Variants in SCTR observed in about 807,000 individuals in gnomAD.
The protein encoded by SCTR is secretin receptor, also known as pancreatic secretin receptor.
A neutral mutation model predicts 60.8 loss-of-function variants in SCTR; 56 were observed. That is an observed-to-expected ratio of 0.92 (90% CI 0.74 to 1.15). The LOEUF (loss-of-function observed/expected upper bound fraction) is 1.15. SCTR is among the 50% of genes most tolerant of loss of function. The probability of loss-of-function intolerance (pLI) is 0.00; values close to 1 mark genes in which losing one functional copy is unlikely to be tolerated. For synonymous variants in SCTR, 202 were observed against 217.0 expected, an observed-to-expected ratio of 0.93 and a Z score of 0.61; for missense variants, 562 against 550.4, an observed-to-expected ratio of 1.02 and a Z score of -0.21.
At chr2:119,519,591 G>A (rs192414082) in intron 1 of SCTR, among the ~76,000 whole-genome samples, 26 of 151,850 alleles carry the variant, frequency 1.7e-4, no homozygotes, top group Non-Finnish European at 1.8e-4. Flanking sequence ...TGGATCACGA[G>A]GTCAGGAGTT....
At chr2:119,475,482 T>G (rs527659786) in intron 3 of SCTR, among the ~76,000 whole-genome samples, 2 of 151,946 alleles carry the variant, frequency 1.3e-5, no homozygotes, top group Admixed American at 6.5e-5. Flanking sequence ...CCTTCCACTC[T>G]GTAGAGCTGC....
rs1678557428 is a variant in SCTR, at chr2:119,501,703, T to C, written c.73-7155A>G. Among the ~76,000 whole-genome samples the C allele has an allele frequency of 2.0e-5, 3 of 152,170 alleles. No individual in the cohort carries two copies. The South Asian group carries it at 6.2e-4, about 31-fold the overall frequency. On this transcript the variant is annotated intron_variant, in intron 1 of 12. Coordinates refer to ENST00000019103, the MANE Select transcript of SCTR (RefSeq NM_002980.3). ...TTACCCTGACTTGATCATAACATAT[T>C]GTATACCTGCATCGAAATATCACAA...
chr2:119,475,706 T>C (rs1475716651), intron 3 of SCTR, among the ~76,000 whole-genome samples: 1 of 147,556 alleles, frequency 6.8e-6, no homozygotes, highest in East Asian at 1.9e-4. Flanking sequence ...AATAAATATA[T>C]ATATTATGTG....
intron 1 of SCTR, among the ~76,000 whole-genome samples, chr2:119,513,791 G>A (rs1204308256): frequency 2.0e-5 from 3 of 152,090 alleles, no homozygotes; most frequent in Admixed American, 6.5e-5. Flanking sequence ...TGTCTTCTCT[G>A]GGGTGTTCTT....
intron 3 of SCTR, among the ~76,000 whole-genome samples, chr2:119,478,139 G>A (rs1473378952): frequency 1.3e-5 from 2 of 152,214 alleles, no homozygotes; most frequent in Admixed American, 1.3e-4. Flanking sequence ...CCAGGAAAGA[G>A]GGGCAGCTGC....
At chr2:119,502,580 T>C (rs1483376654) in intron 1 of SCTR, among the ~76,000 whole-genome samples, 1 of 151,772 alleles carries the variant, frequency 6.6e-6, no homozygotes, top group Non-Finnish European at 1.5e-5. Context: ...TTTTAAGAAG[T>C]GAAATTAATT....
chr2:119,462,918 TG>T (rs1388854934), intron 6 of SCTR, among the ~76,000 whole-genome samples: 3 of 152,226 alleles, frequency 2.0e-5, no homozygotes, highest in Admixed American at 1.3e-4. Context: ...GGGGCATTGC[TG>T]GCCTTGTCCA....
chr2:119,499,116 C>T (rs1678446873), intron 1 of SCTR, among the ~76,000 whole-genome samples: 1 of 151,674 alleles, frequency 6.6e-6, no homozygotes, highest in East Asian at 1.9e-4. Flanking sequence ...AAAACAATAA[C>T]CAGAAACAGA....
chr2:119,449,780 G>A (rs1371854026), intron 9 of SCTR, among the ~76,000 whole-genome samples: 3 of 152,136 alleles, frequency 2.0e-5, no homozygotes, highest in Non-Finnish European at 1.5e-5. Flanking sequence ...TAGGACTCCT[G>A]GCCCAGCACT....
At position 119,524,269 on chromosome 2, in the gene SCTR, C is replaced by T; in HGVS notation, c.-43G>A. The T allele has an allele frequency of 2.3e-6, 3 of 1,329,530 alleles. No individual in the cohort carries two copies. In the African/African-American group the frequency reaches 4.6e-5, roughly 20 times the overall value. 82.4% of individuals were successfully genotyped at this position (1,329,530 alleles called of 1,614,324 possible). A position where few individuals can be genotyped will look rare whatever the true frequency, so the allele number is the denominator to read the frequency against. On this transcript the variant is annotated 5_prime_UTR_variant, in exon 1 of 13. Transcript: ENST00000019103. ...CGAGGGCGCCCCGACGTCCGCCTGC[C>T]CGTGCCCTCTGCCCGCTCGGGAGCT...
chr2:119,448,833 C>T, intron 9 of SCTR, 53 bp from the exon 10 acceptor site: 1 of 962,576 alleles, frequency 1.0e-6, no homozygotes. Flanking sequence ...TTTCCAGCCA[C>T]CTCTCCTGGC....
chr2:119,518,857 G>A (rs1679193068), intron 1 of SCTR, among the ~76,000 whole-genome samples: 1 of 152,160 alleles, frequency 6.6e-6, no homozygotes, highest in Non-Finnish European at 1.5e-5. Context: ...GTCCTCCCTT[G>A]TCATGGTAGG....
rs376488622 is a variant in SCTR, at chr2:119,451,322, G to T, written c.921+688C>A. Among the ~76,000 whole-genome samples, 3 of 152,282 alleles carry T rather than the reference G, an allele frequency of 2.0e-5. No homozygotes were observed. The East Asian group carries it at 5.8e-4, about 29-fold the overall frequency. ...CCCCTATGCTGAACCATACCCATGG[G>T]CTGGGCTACAGGACTCTACCCTGGC... On this transcript the variant is annotated intron_variant, in intron 9 of 12. Coordinates refer to ENST00000019103, the MANE Select transcript of SCTR (RefSeq NM_002980.3).
Position 119,440,206 on chromosome 2 carries a change from G to C in SCTR, c.1234C>G (p.Pro412Ala). ...CTGAAGGAGGCCACGGGGTGCAGTG[G>C]GAACTCACGGAGGTGCCATTGCTGC... ...KWQQWHLREF[P>A]LHPVASFSNS... Residue 412 changes from proline (P) to alanine (A), a missense_variant, in exon 13 of 13, where the codon CCA becomes GCA. Physicochemically the swap from Pro to Ala is conservative, Grantham distance 27. Coordinates refer to ENST00000019103, the MANE Select transcript of SCTR (RefSeq NM_002980.3). 2 of 1,614,086 alleles carry C rather than the reference G, an allele frequency of 1.2e-6. No homozygotes were observed. Among genetic ancestry groups the C allele is most frequent in the Non-Finnish European group, 1.7e-6 (2 of 1,180,004 alleles).
chr2:119,458,287 C>T (rs1224992508), intron 7 of SCTR, among the ~76,000 whole-genome samples: 2 of 135,790 alleles, frequency 1.5e-5, no homozygotes, highest in African/African-American at 5.6e-5. Flanking sequence ...GCCTGGGTGA[C>T]AAAGAGAGAC....
intron 4 of SCTR, among the ~76,000 whole-genome samples, chr2:119,472,767 G>A (rs1202787930): frequency 3.3e-5 from 5 of 152,078 alleles, no homozygotes; most frequent in Non-Finnish European, 7.4e-5. Context: ...TCAGCTTCCT[G>A]AGTAGCTGGG....
intron 4 of SCTR, among the ~76,000 whole-genome samples, chr2:119,468,687 C>T (rs542935785): frequency 6.6e-6 from 1 of 152,174 alleles, no homozygotes; most frequent in Non-Finnish European, 1.5e-5. Context: ...TAGCTTTATT[C>T]TCAGTTACAC....
chr2:119,462,254 G>A (rs566605739), intron 6 of SCTR, among the ~76,000 whole-genome samples: 11 of 152,338 alleles, frequency 7.2e-5, no homozygotes, highest in African/African-American at 2.2e-4. Flanking sequence ...CAGGAACTAG[G>A]TTCAAATCCT....
intron 11 of SCTR, among the ~76,000 whole-genome samples, chr2:119,444,325 G>A (rs370932090): frequency 1.1e-4 from 15 of 136,542 alleles, no homozygotes; most frequent in Non-Finnish European, 1.6e-4. Flanking sequence ...ACATATATAC[G>A]TATGAATATA....
Sources: gnomAD v4.1 joint callset for allele counts (sites outside exome capture counted in the v4.1 genomes callset) on GRCh38, gnomAD v4.1.1 for gene constraint, MANE v1.5 for transcripts, NCBI Gene and HGNC (gene_info 2026-07-23, HGNC 2026-07-21) for gene names.